EML6: variants seen among roughly 807,000 people sequenced by gnomAD.
The protein encoded by EML6 is EMAP like 6, also known as echinoderm microtubule-associated protein-like 6.
Under a neutral mutation model 240.1 loss-of-function variants are expected in EML6, and 154 were observed. The ratio of observed to expected loss-of-function variants is 0.64; its 90% CI spans 0.56 to 0.73. The LOEUF (loss-of-function observed/expected upper bound fraction) is 0.73. EML6 is among the 30% of genes least tolerant of loss of function. The pLI, the probability that EML6 is intolerant of heterozygous loss-of-function variation, is 0.00. For missense variants in EML6, 2,964 were observed against 2,474.6 expected (o/e 1.20, Z -4.20); for synonymous variants, 1,148 against 899.0 (o/e 1.28, Z -4.95).
intron 17 of EML6, among the ~76,000 whole-genome samples, chr2:54,886,876 T>A (rs1451245036): frequency 6.6e-6 from 1 of 152,214 alleles, no homozygotes; most frequent in Non-Finnish European, 1.5e-5. Context: ...TATAGGTACT[T>A]CCTGTCACAT....
chr2:54,802,788 C>G (rs575951885), intron 2 of EML6, among the ~76,000 whole-genome samples: 1 of 152,108 alleles, frequency 6.6e-6, no homozygotes, highest in African/African-American at 2.4e-5. Flanking sequence ...CTGAGCGTTC[C>G]CATTTACCCC....
intron 7 of EML6, among the ~76,000 whole-genome samples, chr2:54,839,027 T>G (rs1669300848): frequency 6.6e-6 from 1 of 152,226 alleles, no homozygotes; most frequent in South Asian, 2.1e-4. Flanking sequence ...GAAAGCAGTA[T>G]AAGACAGCTT....
chr2:54,946,484 G>A (rs752648748), intron 28 of EML6, among the ~76,000 whole-genome samples: 5 of 152,148 alleles, frequency 3.3e-5, no homozygotes, highest in Non-Finnish European at 2.9e-5. Flanking sequence ...CATTTCTGAT[G>A]GAATCTGAAT....
At chr2:54,813,452 A>C (rs79552748) in intron 3 of EML6, 61 bp downstream of exon 3, 1 of 1,344,980 alleles carries the variant, frequency 7.4e-7, no homozygotes, top group Admixed American at 2.0e-5. Context: ...TAAAACTATA[A>C]TAGGAATAGC....
intron 2 of EML6, among the ~76,000 whole-genome samples, chr2:54,764,922 C>T (rs1191704280): frequency 6.6e-6 from 1 of 152,128 alleles, no homozygotes; most frequent in East Asian, 1.9e-4. Flanking sequence ...ATTTTTTCCA[C>T]CTGGGATTGT....
chr2:54,947,767 G>A (rs1234312926), intron 28 of EML6, among the ~76,000 whole-genome samples: 2 of 152,320 alleles, frequency 1.3e-5, no homozygotes, highest in East Asian at 1.9e-4. Flanking sequence ...TCCCTATTCT[G>A]TAGGCGCTTT....
At chr2:54,943,530 T>TA (rs1675535157) in intron 28 of EML6, among the ~76,000 whole-genome samples, 4 of 152,134 alleles carry the variant, frequency 2.6e-5, no homozygotes, top group Admixed American at 2.6e-4. Flanking sequence ...ATTCAGGCCT[T>TA]GTAGTCTTTT....
chr2:54,726,145 T>G (rs1682898120), intron 2 of EML6, among the ~76,000 whole-genome samples: 1 of 152,224 alleles, frequency 6.6e-6, no homozygotes, highest in African/African-American at 2.4e-5. Flanking sequence ...TTTTCAGCCT[T>G]CAGCAGTTAA....
intron 7 of EML6, among the ~76,000 whole-genome samples, chr2:54,835,469 C>G (rs1359071813): frequency 6.6e-6 from 1 of 152,136 alleles, no homozygotes; most frequent in Non-Finnish European, 1.5e-5. Flanking sequence ...TTGTGTCAAC[C>G]TGTGACATGC....
chr2:54,823,142 G>C (rs1191830740), intron 5 of EML6, among the ~76,000 whole-genome samples: 2 of 152,188 alleles, frequency 1.3e-5, no homozygotes, highest in African/African-American at 4.8e-5. Context: ...TTGAAGTTTA[G>C]CCATTAAAAC....
intron 26 of EML6, among the ~76,000 whole-genome samples, chr2:54,927,812 C>T (rs1049874650): frequency 6.6e-6 from 1 of 152,244 alleles, no homozygotes; most frequent in African/African-American, 2.4e-5. Context: ...TTTCTAGCGT[C>T]TGTGGCAGAA....
At chr2:54,792,987 G>T (rs966504980) in intron 2 of EML6, among the ~76,000 whole-genome samples, 1 of 152,170 alleles carries the variant, frequency 6.6e-6, no homozygotes, top group Non-Finnish European at 1.5e-5. Context: ...TGATCTTTAG[G>T]CTTGGTGGAG....
At chr2:54,852,394 A>G (rs1369716312) in intron 10 of EML6, among the ~76,000 whole-genome samples, 2 of 152,108 alleles carry the variant, frequency 1.3e-5, no homozygotes, top group Non-Finnish European at 2.9e-5. Flanking sequence ...TATTTTTTCT[A>G]TGTGAAAAAA....
chr2:54,903,628 A>T, intron 24 of EML6, 126 bp downstream of exon 24: 1 of 428,748 alleles, frequency 2.3e-6, no homozygotes, highest in South Asian at 2.6e-5. Context: ...CAACAATATA[A>T]ACGACTGTAA....
At chr2:54,873,100 T>C (rs1269867019) in intron 16 of EML6, among the ~76,000 whole-genome samples, 5 of 152,240 alleles carry the variant, frequency 3.3e-5, no homozygotes, top group Non-Finnish European at 5.9e-5. Context: ...TAATGCACTT[T>C]GTCTTGCCTT....
chr2:54,929,008 T>A (rs1212412684), intron 28 of EML6, among the ~76,000 whole-genome samples: 1 of 140,724 alleles, frequency 7.1e-6, no homozygotes, highest in Non-Finnish European at 1.6e-5. Flanking sequence ...TTAGTTGGAC[T>A]ACACTTCTCC....
intron 2 of EML6, among the ~76,000 whole-genome samples, chr2:54,765,425 A>G (rs181217687): frequency 1.3e-5 from 2 of 152,190 alleles, no homozygotes; most frequent in African/African-American, 4.8e-5. Flanking sequence ...TTTCCCTACA[A>G]ACTTAAGGGC....
At chr2:54,844,681 A>C (rs917900762) in intron 8 of EML6, among the ~76,000 whole-genome samples, 11 of 152,352 alleles carry the variant, frequency 7.2e-5, no homozygotes, top group African/African-American at 2.4e-4. Flanking sequence ...TTAGCACATG[A>C]ATAAGCTATT....
intron 2 of EML6, among the ~76,000 whole-genome samples, chr2:54,788,976 T>G (rs1220200088): frequency 6.6e-6 from 1 of 152,204 alleles, no homozygotes; most frequent in Non-Finnish European, 1.5e-5. Flanking sequence ...CCACCCCCTT[T>G]GCCACTTGCT....
Sources: allele counts gnomAD v4.1 joint callset (sites outside exome capture counted in the v4.1 genomes callset), GRCh38; gene constraint gnomAD v4.1.1; transcripts MANE v1.5; gene names NCBI Gene and HGNC (gene_info 2026-07-23, HGNC 2026-07-21).